The following MYO3A variants were observed in gnomAD, a reference collection of about 807,000 sequenced individuals.
MYO3A encodes the protein myosin-IIIa.
In MYO3A, 180 loss-of-function variants were observed where a neutral mutation model predicts 192.7. That is an observed-to-expected ratio of 0.93 (90% CI 0.83 to 1.06). The LOEUF (loss-of-function observed/expected upper bound fraction) is 1.06. MYO3A is among the 50% of genes least tolerant of loss of function. The pLI, the probability that MYO3A is intolerant of heterozygous loss-of-function variation, is 0.00. For synonymous variants in MYO3A, 628 were observed against 645.3 expected (o/e 0.97, Z 0.41); for missense variants, 1,896 against 1,905.0 (o/e 1.00, Z 0.09).
chr10:26,211,950 TC>T lies in MYO3A; in HGVS notation c.4840del (p.Gln1614SerfsTer41), dbSNP rs2132256679. 2 of 1,613,892 alleles carry T rather than the reference TC, an allele frequency of 1.2e-6. No homozygotes were observed. Among genetic ancestry groups the T allele is most frequent in the East Asian group, 2.2e-5 (1 of 44,876 alleles). The part of the protein sequence containing the change: ...LRKTSQRRRL[V>X]QQS ...AAAACCTCCCAGCGCCGGCGCCTCG[TC>T]CAGCAGTCCTAACCGTTCAACGAGG... On this transcript the variant is annotated frameshift_variant, in exon 35 of 35. Coordinates refer to ENST00000642920, the MANE Select transcript of MYO3A (RefSeq NM_017433.5). LOFTEE classifies it high-confidence loss of function.
In MYO3A at chr10:26,153,948, T is replaced by A. The variant is rs1564602432; in HGVS notation, c.2715+19T>A. 2 of 1,522,052 alleles carry A rather than the reference T, an allele frequency of 1.3e-6. No homozygotes were observed. The highest frequency in any genetic ancestry group is 1.8e-6 in the Non-Finnish European group (2 of 1,097,110). 94.3% of individuals were successfully genotyped at this position (1,522,052 alleles called of 1,614,324 possible). A position where few individuals can be genotyped will look rare whatever the true frequency, so the allele number is the denominator to read the frequency against. Reference sequence around the variant, plus strand: ...GGCAAAGGTAAGAAAATGCTTTTTTTCTTGGCAGTGAGTCTAAGAATCTAA... The same window carrying A: ...GGCAAAGGTAAGAAAATGCTTTTTTACTTGGCAGTGAGTCTAAGAATCTAA... On this transcript the variant is annotated intron_variant, in intron 24 of 34. Coordinates refer to ENST00000642920, the MANE Select transcript of MYO3A (RefSeq NM_017433.5).
intron 8 of MYO3A, among the ~76,000 whole-genome samples, chr10:26,023,801 A>G (rs1842423211): frequency 6.6e-6 from 1 of 152,254 alleles, no homozygotes; most frequent in African/African-American, 2.4e-5. Context: ...AACAGTTGGA[A>G]AAATCAGGTC....
intron 2 of MYO3A, among the ~76,000 whole-genome samples, chr10:25,951,178 T>A (rs2130539985): frequency 6.6e-6 from 1 of 152,290 alleles, no homozygotes; most frequent in African/African-American, 2.4e-5. Context: ...ACAATAACGG[T>A]ACCAGTGGTG....
In MYO3A at chr10:26,145,432, G is replaced by C. The variant is rs2131857175; in HGVS notation, c.2417-14G>C. ...CATACATGCTTGATATTTGAGTTCA[G>C]TATTTTTCTACAGAAAAATTTGAAG... On this transcript the variant is annotated splice_polypyrimidine_tract_variant and intron_variant, in intron 21 of 34. Transcript: ENST00000642920. The C allele has an allele frequency of 6.6e-7, 1 of 1,524,334 alleles. No individual in the cohort carries two copies. Among genetic ancestry groups the C allele is most frequent in the African/African-American group, 1.4e-5 (1 of 72,982 alleles). The allele number at this position is 1,524,334 out of a possible 1,614,324, so 94.4% of individuals were successfully genotyped here.
At chr10:26,019,461 C>T (rs1157186284) in intron 7 of MYO3A, among the ~76,000 whole-genome samples, 1 of 151,932 alleles carries the variant, frequency 6.6e-6, no homozygotes, top group Non-Finnish European at 1.5e-5. Context: ...GAACTACAGG[C>T]AACTGCCACC....
chr10:25,988,903 A>G (rs1390594114), intron 4 of MYO3A, among the ~76,000 whole-genome samples: 3 of 150,022 alleles, frequency 2.0e-5, no homozygotes, highest in Non-Finnish European at 4.4e-5. Flanking sequence ...GTCTCCCTAC[A>G]GTGCTTTTAG....
chr10:26,037,501 A>G (rs1843101851), intron 10 of MYO3A, among the ~76,000 whole-genome samples: 1 of 152,204 alleles, frequency 6.6e-6, no homozygotes, highest in Non-Finnish European at 1.5e-5. Context: ...ATACTTCCAA[A>G]TCTATTTTAA....
chr10:26,129,526 T>G (rs1311008427), intron 20 of MYO3A, among the ~76,000 whole-genome samples: 2 of 152,200 alleles, frequency 1.3e-5, no homozygotes, highest in Non-Finnish European at 2.9e-5. Flanking sequence ...AACAAAGCCC[T>G]TTTCCACTCT....
intron 4 of MYO3A, among the ~76,000 whole-genome samples, chr10:25,990,303 A>C (rs977417479): frequency 4.1e-4 from 62 of 152,104 alleles, no homozygotes; most frequent in Admixed American, 1.2e-3. Flanking sequence ...TGTAATAATA[A>C]TGTATCCTGA....
chr10:26,033,882 A>G (rs1842913147), intron 10 of MYO3A, among the ~76,000 whole-genome samples: 2 of 152,218 alleles, frequency 1.3e-5, no homozygotes, highest in Non-Finnish European at 2.9e-5. Flanking sequence ...GAGCAAAATC[A>G]TAAAATCAAG....
chr10:25,973,446 C>T (rs933539595), intron 4 of MYO3A, among the ~76,000 whole-genome samples: 2 of 152,154 alleles, frequency 1.3e-5, no homozygotes, highest in African/African-American at 2.4e-5. Context: ...TTGACTTTCT[C>T]TCTTCCTATT....
chr10:26,153,529 C>A (rs2131906514), intron 23 of MYO3A, among the ~76,000 whole-genome samples: 1 of 152,288 alleles, frequency 6.6e-6, no homozygotes, highest in East Asian at 1.9e-4. Flanking sequence ...TCTCAGATGC[C>A]ATTTATCACA....
At chr10:26,182,235 A>G (rs1842648393) in intron 31 of MYO3A, among the ~76,000 whole-genome samples, 1 of 152,112 alleles carries the variant, frequency 6.6e-6, no homozygotes, top group South Asian at 2.1e-4. Context: ...TCTGAATAAT[A>G]TTATTGCAAC....
intron 10 of MYO3A, among the ~76,000 whole-genome samples, chr10:26,053,236 A>G (rs1844112122): frequency 6.6e-6 from 1 of 152,196 alleles, no homozygotes; most frequent in African/African-American, 2.4e-5. Context: ...AAAAGTACAT[A>G]TATTCTTTGT....
At chr10:26,211,678 T>C (rs538488325) in intron 34 of MYO3A, among the ~76,000 whole-genome samples, 165 bp from the exon 35 acceptor site, 2 of 152,286 alleles carry the variant, frequency 1.3e-5, no homozygotes, top group East Asian at 3.9e-4. Flanking sequence ...TTGAGAATTA[T>C]CGCAGATACG....
intron 10 of MYO3A, among the ~76,000 whole-genome samples, chr10:26,062,693 T>A (rs1320561126): frequency 6.6e-6 from 1 of 152,068 alleles, no homozygotes; most frequent in South Asian, 2.1e-4. Flanking sequence ...TTGAGGACTG[T>A]ACACCTTAGG....
chr10:26,174,595 C>T, intron 30 of MYO3A, 38 bp downstream of exon 30: 1 of 1,528,674 alleles, frequency 6.5e-7, no homozygotes, highest in East Asian at 2.3e-5. Context: ...AATAAAAGTC[C>T]CTGGGAACTA....
chr10:26,193,350 C>A, intron 32 of MYO3A, 39 bp downstream of exon 32: 2 of 1,484,882 alleles, frequency 1.3e-6, no homozygotes, highest in Non-Finnish European at 1.9e-6. Flanking sequence ...GGAGCCATCA[C>A]ATCTACTAAT....
intron 4 of MYO3A, among the ~76,000 whole-genome samples, chr10:25,969,781 C>G (rs911995666): frequency 3.3e-5 from 5 of 152,072 alleles, no homozygotes; most frequent in African/African-American, 1.2e-4. Context: ...AATTATGAGA[C>G]TGGATTGTAA....
Sources: allele counts gnomAD v4.1 joint callset (sites outside exome capture counted in the v4.1 genomes callset), GRCh38; gene constraint gnomAD v4.1.1; transcripts MANE v1.5; gene names NCBI Gene and HGNC (gene_info 2026-07-23, HGNC 2026-07-21).